Variants in ARB2A observed in about 807,000 individuals in gnomAD.
The protein encoded by ARB2A is cotranscriptional regulator ARB2A.
chr5:93,670,883 G>T, the ARB2A span, among the ~76,000 whole-genome samples: 1 of 152,058 alleles, frequency 6.6e-6, no homozygotes, highest in Non-Finnish European at 1.5e-5. Context: ...ATTTACAATT[G>T]TACTATTTAA....
chr5:93,999,440 C>G, the ARB2A span, among the ~76,000 whole-genome samples: 2 of 151,894 alleles, frequency 1.3e-5, no homozygotes, highest in African/African-American at 4.8e-5. Flanking sequence ...ATAACAGAAC[C>G]CATATATCTA....
At chr5:93,917,281 G>T in the ARB2A span, among the ~76,000 whole-genome samples, 2 of 152,024 alleles carry the variant, frequency 1.3e-5, no homozygotes, top group Non-Finnish European at 2.9e-5. Context: ...TTAACCCTCT[G>T]ACTAACTCTG....
At chr5:94,101,658 G>A in the ARB2A span, among the ~76,000 whole-genome samples, 1 of 152,102 alleles carries the variant, frequency 6.6e-6, no homozygotes, top group African/African-American at 2.4e-5. Flanking sequence ...GAAGCTGAAG[G>A]CTATCATCCT....
the ARB2A span, chr5:93,620,909 G>C: frequency 6.5e-7 from 1 of 1,544,332 alleles, no homozygotes; most frequent in Non-Finnish European, 8.7e-7. Flanking sequence ...GAGGGGCTGG[G>C]AGTCCGCTCG....
chr5:93,891,511 T>A, the ARB2A span, among the ~76,000 whole-genome samples: 1 of 151,942 alleles, frequency 6.6e-6, no homozygotes, highest in Non-Finnish European at 1.5e-5. Context: ...AGCAGCAACA[T>A]CATCAAAAAA....
chr5:94,059,761 A>G, the ARB2A span, among the ~76,000 whole-genome samples: 1 of 152,034 alleles, frequency 6.6e-6, no homozygotes, highest in African/African-American at 2.4e-5. Context: ...AAAAAAGTCC[A>G]TCAACCTGGA....
At chr5:93,849,742 C>T in the ARB2A span, among the ~76,000 whole-genome samples, 1 of 151,836 alleles carries the variant, frequency 6.6e-6, no homozygotes, top group East Asian at 1.9e-4. Context: ...ATTTTTCTTC[C>T]TATTGCTATG....
the ARB2A span, among the ~76,000 whole-genome samples, chr5:93,982,070 G>C: frequency 6.6e-6 from 1 of 152,142 alleles, no homozygotes; most frequent in Admixed American, 6.5e-5. Context: ...GCCAAGAAGA[G>C]GAATAGAAGA....
chr5:93,845,888 T>C, the ARB2A span, among the ~76,000 whole-genome samples: 218 of 152,274 alleles, frequency 1.4e-3, 7 homozygotes, highest in East Asian at 0.039. Flanking sequence ...GCTATAATTA[T>C]AGCTGTAGAG....
At chr5:93,937,064 A>G in the ARB2A span, among the ~76,000 whole-genome samples, 1 of 151,024 alleles carries the variant, frequency 6.6e-6, no homozygotes, top group Non-Finnish European at 1.5e-5. Context: ...TAGTAGAGGC[A>G]GGGTTTCACT....
the ARB2A span, among the ~76,000 whole-genome samples, chr5:93,702,914 G>T: frequency 6.6e-6 from 1 of 151,840 alleles, no homozygotes; most frequent in Admixed American, 6.6e-5. Context: ...CTTCCACCAC[G>T]TTAAAACTGT....
the ARB2A span, chr5:93,958,794 T>A: frequency 1.9e-6 from 3 of 1,540,158 alleles, no homozygotes; most frequent in Non-Finnish European, 2.6e-6. Context: ...GCTCTTTTAA[T>A]AAACGGTATC....
At chr5:93,994,730 CT>C in the ARB2A span, among the ~76,000 whole-genome samples, 1 of 151,762 alleles carries the variant, frequency 6.6e-6, no homozygotes, top group South Asian at 2.1e-4. Context: ...GGCAAAACCC[CT>C]GTCTCTATAA....
At chr5:94,042,704 T>C in the ARB2A span, among the ~76,000 whole-genome samples, 1 of 152,220 alleles carries the variant, frequency 6.6e-6, no homozygotes, top group Non-Finnish European at 1.5e-5. Flanking sequence ...GATATGTCTA[T>C]AAGGCTTTCT....
At chr5:93,620,347 G>GTT in the ARB2A span, 1 of 150,096 alleles carries the variant, frequency 6.7e-6, no homozygotes, top group Non-Finnish European at 1.5e-5. Flanking sequence ...ATGCAGAGTT[G>GTT]TTTTTTTTTC....
chr5:94,044,751 G>A, the ARB2A span, among the ~76,000 whole-genome samples: 6 of 152,162 alleles, frequency 3.9e-5, no homozygotes, highest in African/African-American at 1.4e-4. Context: ...ACAGGTTGCA[G>A]TAAAGAAGTT....
the ARB2A span, among the ~76,000 whole-genome samples, chr5:93,634,169 G>A: frequency 6.6e-6 from 1 of 152,030 alleles, no homozygotes; most frequent in Non-Finnish European, 1.5e-5. Context: ...TTGGGAAGCT[G>A]AGGCGGGCGG....
chr5:93,741,098 C>T, the ARB2A span: 3 of 1,613,866 alleles, frequency 1.9e-6, no homozygotes, highest in Non-Finnish European at 2.5e-6. Flanking sequence ...AGCACCTTCC[C>T]AAACAGAGCT....
chr5:93,799,535 T>A, the ARB2A span, among the ~76,000 whole-genome samples: 2 of 152,216 alleles, frequency 1.3e-5, no homozygotes, highest in Non-Finnish European at 2.9e-5. Context: ...GTACTACACC[T>A]AGCCAATGTT....
Sources: gnomAD v4.1 joint callset for allele counts (sites outside exome capture counted in the v4.1 genomes callset) on GRCh38, gnomAD v4.1.1 for gene constraint, MANE v1.5 for transcripts, NCBI Gene and HGNC (gene_info 2026-07-23, HGNC 2026-07-21) for gene names.